Variants in PROSER2 observed in about 807,000 individuals in gnomAD.
The protein encoded by PROSER2 is proline and serine-rich protein 2.
Under a neutral mutation model 14.6 loss-of-function variants are expected in PROSER2, and 18 were observed. The ratio of observed to expected loss-of-function variants is 1.23; its 90% CI spans 0.85 to 1.83. The LOEUF (loss-of-function observed/expected upper bound fraction) is 1.83. Ranked by LOEUF, PROSER2 falls within the 40% of genes most tolerant of loss-of-function variation. PROSER2 has a pLI of 0.00. For missense variants in PROSER2, 823 were observed against 629.8 expected (o/e 1.31, Z -3.28); for synonymous variants, 367 against 286.4 (o/e 1.28, Z -2.84).
intron 3 of PROSER2, among the ~76,000 whole-genome samples, chr10:11,867,244 G>T (rs1281277012): frequency 7.8e-6 from 1 of 127,852 alleles, no homozygotes; most frequent in African/African-American, 2.9e-5. Flanking sequence ...CAGCCTGGGG[G>T]ACAGAGTGAG....
Position 11,837,880 on chromosome 10 carries a change from T to C in PROSER2, c.-81-14117T>C, listed in dbSNP as rs1833783487. On this transcript the variant is annotated intron_variant, in intron 1 of 3. Coordinates refer to ENST00000277570, the MANE Select transcript of PROSER2 (RefSeq NM_153256.4). The surrounding 1 kb of genome is among the most constrained non-coding windows in gnomAD (Gnocchi z 4.6). ...GCTGAACTGTGATGCTAGAAAAGGTTACCTTCGGGGTTTTTCCTCTTCCTG... is the reference window on the plus strand; with the variant it reads ...GCTGAACTGTGATGCTAGAAAAGGTCACCTTCGGGGTTTTTCCTCTTCCTG... Among the ~76,000 whole-genome samples, 2 of 152,284 alleles carry C rather than the reference T, an allele frequency of 1.3e-5. No individual in the cohort carries two copies. The highest frequency in any genetic ancestry group is 4.8e-5 in the African/African-American group (2 of 41,544).
rs1423607471 is a variant in PROSER2 at position 11,830,228 on chromosome 10, T to C, written c.-82+6758T>C. ...CTCCCGTGTCCATTATTTCACTCTG[T>C]GCATTTATGTGGACCCATCGTTTAG... On this transcript the variant is annotated intron_variant, in intron 1 of 3. Coordinates refer to ENST00000277570, the MANE Select transcript of PROSER2 (RefSeq NM_153256.4). This position sits in a 1 kb window ranked among gnomAD's most constrained non-coding sequence, Gnocchi z 4.5. Among the ~76,000 whole-genome samples, 1 of 152,196 alleles carries C rather than the reference T, an allele frequency of 6.6e-6. No homozygotes were observed. Among genetic ancestry groups the C allele is most frequent in the Admixed American group, 6.5e-5 (1 of 15,274 alleles).
At chr10:11,860,975 G>A (rs1407386288) in intron 2 of PROSER2, among the ~76,000 whole-genome samples, 13 of 152,106 alleles carry the variant, frequency 8.5e-5, no homozygotes, top group African/African-American at 2.2e-4. Flanking sequence ...GCGTGGTGGC[G>A]TGCACCTGTA....
intron 2 of PROSER2, among the ~76,000 whole-genome samples, chr10:11,861,364 A>G (rs1834234121): frequency 6.6e-6 from 1 of 152,004 alleles, no homozygotes; most frequent in South Asian, 2.1e-4. Context: ...GGAGTTCCAC[A>G]CTCTAGGGCA....
intron 1 of PROSER2, among the ~76,000 whole-genome samples, chr10:11,826,726 G>A (rs142752126): frequency 2.0e-5 from 3 of 151,516 alleles, no homozygotes; most frequent in African/African-American, 4.8e-5. Context: ...CACAGATGCC[G>A]CCCACCACCA....
Position 11,856,989 on chromosome 10 carries a change from G to A in PROSER2, c.138+4774G>A, listed in dbSNP as rs1457533173. On this transcript the variant is annotated intron_variant, in intron 2 of 3. Coordinates refer to ENST00000277570, the MANE Select transcript of PROSER2 (RefSeq NM_153256.4). This position sits in a 1 kb window ranked among gnomAD's most constrained non-coding sequence, Gnocchi z 5.3. Reference sequence around the variant, plus strand: ...ACCCAGCTGGAATCCAAATGGTCCTGGTCAAACAGCTGCTTTAAAACATAA... The same window carrying A: ...ACCCAGCTGGAATCCAAATGGTCCTAGTCAAACAGCTGCTTTAAAACATAA... Among the ~76,000 whole-genome samples, 2 of 152,166 alleles carry A rather than the reference G, an allele frequency of 1.3e-5. No individual in the cohort carries two copies. The highest frequency in any genetic ancestry group is 4.8e-5 in the African/African-American group (2 of 41,422).
intron 1 of PROSER2, among the ~76,000 whole-genome samples, chr10:11,834,585 A>G (rs2131050649): frequency 6.6e-6 from 1 of 151,516 alleles, no homozygotes; most frequent in East Asian, 2.0e-4. Context: ...AAATACAAAA[A>G]TTAGCCGGGT....
intron 2 of PROSER2, among the ~76,000 whole-genome samples, chr10:11,860,638 T>TGTCTC (rs1834218203): frequency 6.6e-6 from 1 of 151,174 alleles, no homozygotes; most frequent in South Asian, 2.1e-4. Context: ...AATGGATTTT[T>TGTCTC]GTCTCATTTT....
intron 2 of PROSER2, among the ~76,000 whole-genome samples, chr10:11,853,550 G>A (rs1282068593): frequency 6.6e-6 from 1 of 152,158 alleles, no homozygotes; most frequent in Non-Finnish European, 1.5e-5. Context: ...TCGCGCCACT[G>A]CACTCCAGGC....
At chr10:11,841,858 A>C (rs1052060923) in intron 1 of PROSER2, among the ~76,000 whole-genome samples, 11 of 152,164 alleles carry the variant, frequency 7.2e-5, no homozygotes, top group African/African-American at 2.4e-4. Context: ...TGTTGCGTAT[A>C]ATGTGTTGTA....
chr10:11,866,722 A>G lies in PROSER2; in HGVS notation c.330A>G (p.Leu110=). Residue 110 remains leucine, a synonymous_variant, in exon 3 of 4, where the codon TTA becomes TTG. Coordinates refer to ENST00000277570, the MANE Select transcript of PROSER2 (RefSeq NM_153256.4). The surrounding 1 kb of genome is among the most constrained non-coding windows in gnomAD (Gnocchi z 6.0). The stretch of plus-strand genomic sequence containing the variant: ...CCGAGCCTGAAGATGTCATCGACTT[A>G]GTGCAGCCAGCACCTGGCGCCGGGG... The part of the protein sequence containing the change: ...SPSEPEDVID[L]VQPAPGAGEA... The G allele has an allele frequency of 6.2e-7, 1 of 1,613,914 alleles. No individual in the cohort carries two copies. Among genetic ancestry groups the G allele is most frequent in the South Asian group, 1.1e-5 (1 of 91,078 alleles).
At chr10:11,843,590 G>A (rs546131423) in intron 1 of PROSER2, among the ~76,000 whole-genome samples, 25 of 152,048 alleles carry the variant, frequency 1.6e-4, no homozygotes, top group African/African-American at 5.5e-4. Flanking sequence ...AGAGGCTGAG[G>A]CAGGAGAATT....
At chr10:11,847,156 T>TAAATAA (rs58680650) in intron 1 of PROSER2, among the ~76,000 whole-genome samples, 127 of 96,970 alleles carry the variant, frequency 1.3e-3, no homozygotes, top group South Asian at 3.5e-3. Context: ...CATAAATAAA[T>TAAATAA]ATATATATAT....
chr10:11,864,648 G>A (rs1435864026), intron 2 of PROSER2, among the ~76,000 whole-genome samples: 2 of 150,800 alleles, frequency 1.3e-5, no homozygotes, highest in Non-Finnish European at 2.9e-5. Context: ...GAGTGCAGTG[G>A]TGCAGTCTTG....
At chr10:11,826,906 A>G (rs1283379197) in intron 1 of PROSER2, among the ~76,000 whole-genome samples, 1 of 126,484 alleles carries the variant, frequency 7.9e-6, no homozygotes, top group Non-Finnish European at 1.6e-5. Flanking sequence ...TTCCTCTGAC[A>G]TAGGATTTCA....
intron 2 of PROSER2, among the ~76,000 whole-genome samples, chr10:11,860,909 C>T (rs977737562): frequency 1.3e-5 from 2 of 152,054 alleles, no homozygotes; most frequent in Non-Finnish European, 1.5e-5. Context: ...AATTCGAGAC[C>T]AGGCTGGCCA....
chr10:11,859,139 G>A (rs181395597), intron 2 of PROSER2, among the ~76,000 whole-genome samples: 1 of 151,440 alleles, frequency 6.6e-6, no homozygotes, highest in Admixed American at 6.6e-5. Flanking sequence ...AACATCATTT[G>A]GGCCAAGCAT....
chr10:11,870,489 G>C lies in PROSER2; in HGVS notation c.*83G>C. ...AGTCGCTGCACCCAGGAGCTGTTTG[G>C]TCTAAAATGGAAGTGACAGCGGGAG... On this transcript the variant is annotated 3_prime_UTR_variant, in exon 4 of 4. Transcript: ENST00000277570. 8.2e-7 allele frequency: 1 copy of C among 1,213,034 alleles called. No homozygotes were observed. Among genetic ancestry groups the C allele is most frequent in the Non-Finnish European group, 1.1e-6 (1 of 915,806 alleles). 75.1% of individuals were successfully genotyped at this position (1,213,034 alleles called of 1,614,324 possible).
At position 11,862,662 on chromosome 10, in the gene PROSER2, G is replaced by A. The variant is rs942358832; in HGVS notation, c.139-3869G>A. Reference sequence around the variant, plus strand: ...TGAGCTGTGATTGTACCACTGCACTGTAGACTGGGCAACAGAGTGAGACAC... The same window carrying A: ...TGAGCTGTGATTGTACCACTGCACTATAGACTGGGCAACAGAGTGAGACAC... On this transcript the variant is annotated intron_variant, in intron 2 of 3. Coordinates refer to ENST00000277570, the MANE Select transcript of PROSER2 (RefSeq NM_153256.4). The surrounding 1 kb of genome is among the most constrained non-coding windows in gnomAD (Gnocchi z 4.2). Among the ~76,000 whole-genome samples, 33 of 152,256 alleles carry A rather than the reference G, an allele frequency of 2.2e-4. No homozygotes were observed. Among genetic ancestry groups the A allele is most frequent in the Middle Eastern group, 3.4e-3 (1 of 294 alleles).
Sources: gnomAD v4.1 joint callset for allele counts (sites outside exome capture counted in the v4.1 genomes callset) on GRCh38, gnomAD v4.1.1 for gene constraint, Gnocchi (gnomAD v3.1) non-coding constraint, MANE v1.5 for transcripts, NCBI Gene and HGNC (gene_info 2026-07-23, HGNC 2026-07-21) for gene names.